CSMD1: variants seen among roughly 807,000 people sequenced by gnomAD.
CSMD1 encodes the protein CUB and sushi domain-containing protein 1.
A neutral mutation model predicts 417.5 loss-of-function variants in CSMD1; 213 were observed. The observed-to-expected ratio is 0.51, with a 90% CI of 0.46 to 0.57. CSMD1 has a LOEUF of 0.57. Among genes scored for constraint, CSMD1 ranks in the 20% least tolerant of loss-of-function variants. CSMD1 has a pLI of 0.00. For synonymous variants in CSMD1, 2,862 were observed against 1,736.8 expected, an observed-to-expected ratio of 1.65 and a Z score of -16.11; for missense variants, 6,923 against 4,529.7, an observed-to-expected ratio of 1.53 and a Z score of -15.17.
chr8:3,122,429 T>C (rs933424709), intron 41 of CSMD1, among the ~76,000 whole-genome samples: 1 of 152,144 alleles, frequency 6.6e-6, no homozygotes, highest in African/African-American at 2.4e-5. Flanking sequence ...ATTAATAAAG[T>C]TTGCAAAATA....
chr8:4,039,339 T>C (rs2130623118), intron 3 of CSMD1, among the ~76,000 whole-genome samples: 1 of 152,340 alleles, frequency 6.6e-6, no homozygotes, highest in Non-Finnish European at 1.5e-5. Flanking sequence ...TTTTGGACTA[T>C]TTGCTGCTGA....
intron 2 of CSMD1, among the ~76,000 whole-genome samples, chr8:4,470,094 T>A (rs1388837225): frequency 6.6e-6 from 1 of 151,948 alleles, no homozygotes; most frequent in African/African-American, 2.4e-5. Flanking sequence ...ATGGTCTCGA[T>A]CTCCTGATCT....
At chr8:3,799,397 T>G in intron 5 of CSMD1, among the ~76,000 whole-genome samples, 2 of 77,210 alleles carry the variant, frequency 2.6e-5, no homozygotes, top group Non-Finnish European at 2.4e-5. Context: ...CCCTCCCCCC[T>G]CCCCCCACCC....
chr8:4,837,245 G>C (rs554439303), intron 1 of CSMD1, among the ~76,000 whole-genome samples: 1 of 147,960 alleles, frequency 6.8e-6, no homozygotes, highest in Non-Finnish European at 1.5e-5. Flanking sequence ...ATCTAGTTGG[G>C]CATATACCCC....
intron 3 of CSMD1, among the ~76,000 whole-genome samples, chr8:4,231,375 C>T (rs1387997963): frequency 1.3e-5 from 2 of 152,112 alleles, no homozygotes; most frequent in African/African-American, 4.8e-5. Context: ...TTTTCCTCCT[C>T]TGAGAGAATA....
intron 3 of CSMD1, among the ~76,000 whole-genome samples, chr8:4,168,698 T>G (rs1284331504): frequency 1.3e-5 from 2 of 152,178 alleles, no homozygotes; most frequent in African/African-American, 2.4e-5. Context: ...TATTAATTCT[T>G]TTTTAAAACA....
intron 7 of CSMD1, among the ~76,000 whole-genome samples, chr8:3,693,183 G>C (rs183052379): frequency 4.6e-5 from 7 of 152,242 alleles, no homozygotes; most frequent in African/African-American, 1.7e-4. Flanking sequence ...AATTGGTCAG[G>C]AGTCAATGAA....
At chr8:4,425,434 T>C (rs1797493339) in intron 2 of CSMD1, among the ~76,000 whole-genome samples, 2 of 150,392 alleles carry the variant, frequency 1.3e-5, no homozygotes, top group African/African-American at 4.9e-5. Flanking sequence ...TGCGGAAGGA[T>C]GAGTGGATCC....
intron 5 of CSMD1, among the ~76,000 whole-genome samples, chr8:3,817,169 AC>A (rs1412855218): frequency 7.4e-6 from 1 of 134,298 alleles, no homozygotes; most frequent in Admixed American, 8.1e-5. Context: ...GAAAGAGACG[AC>A]CCCTCCCCCT....
At chr8:3,225,346 T>C (rs1416171905) in intron 27 of CSMD1, among the ~76,000 whole-genome samples, 2 of 151,948 alleles carry the variant, frequency 1.3e-5, no homozygotes, top group Non-Finnish European at 1.5e-5. Context: ...TAATATGATA[T>C]AATTTTTACA....
chr8:4,772,701 T>C (rs115245534), intron 1 of CSMD1, among the ~76,000 whole-genome samples: 12 of 152,228 alleles, frequency 7.9e-5, no homozygotes, highest in African/African-American at 1.4e-4. Flanking sequence ...AGGATGTGCA[T>C]TGAGTTAAGT....
At chr8:4,345,466 ACAT>A (rs200876038) in intron 3 of CSMD1, among the ~76,000 whole-genome samples, 3,086 of 152,242 alleles carry the variant, frequency 0.02, 35 homozygotes, top group Middle Eastern at 0.031. Context: ...AACTGGAATT[ACAT>A]CAAACTACAA....
intron 2 of CSMD1, among the ~76,000 whole-genome samples, chr8:4,477,112 T>C (rs1016403012): frequency 6.6e-6 from 1 of 152,218 alleles, no homozygotes; most frequent in Non-Finnish European, 1.5e-5. Context: ...TCCCACCACC[T>C]GTCTCTTAAG....
At chr8:4,243,110 C>A (rs1385873003) in intron 3 of CSMD1, among the ~76,000 whole-genome samples, 1 of 151,976 alleles carries the variant, frequency 6.6e-6, no homozygotes, top group Non-Finnish European at 1.5e-5. Context: ...AACATGTTCA[C>A]TGTGGAAAAT....
chr8:4,567,315 T>A (rs1474071995), intron 2 of CSMD1, among the ~76,000 whole-genome samples: 1 of 152,152 alleles, frequency 6.6e-6, no homozygotes, highest in Non-Finnish European at 1.5e-5. Flanking sequence ...TAATGTTTAT[T>A]AAAAGTAAGC....
chr8:4,467,283 A>G (rs1470922106), intron 2 of CSMD1, among the ~76,000 whole-genome samples: 1 of 152,184 alleles, frequency 6.6e-6, no homozygotes. Flanking sequence ...AATTAAACCA[A>G]TTCATGGCAA....
chr8:4,031,210 C>A (rs1051079966), intron 4 of CSMD1, among the ~76,000 whole-genome samples: 1 of 152,178 alleles, frequency 6.6e-6, no homozygotes, highest in Admixed American at 6.5e-5. Context: ...ACTCCTGGTA[C>A]CAATCTATTG....
At chr8:4,324,830 A>C (rs777040252) in intron 3 of CSMD1, among the ~76,000 whole-genome samples, 1 of 152,308 alleles carries the variant, frequency 6.6e-6, no homozygotes, top group Non-Finnish European at 1.5e-5. Context: ...GAACATAAGC[A>C]AGACAAAGAA....
intron 5 of CSMD1, among the ~76,000 whole-genome samples, chr8:3,900,590 G>C (rs1473838356): frequency 6.6e-6 from 1 of 151,978 alleles, no homozygotes; most frequent in East Asian, 1.9e-4. Context: ...TGACACTCTA[G>C]CTGGGTGACA....
Sources: gnomAD v4.1 joint callset for allele counts (sites outside exome capture counted in the v4.1 genomes callset) on GRCh38, gnomAD v4.1.1 for gene constraint, MANE v1.5 for transcripts, NCBI Gene and HGNC (gene_info 2026-07-23, HGNC 2026-07-21) for gene names.